Variants in NPHP4 observed in about 807,000 individuals in gnomAD.
The protein encoded by NPHP4 is nephrocystin 4.
Under a neutral mutation model 155.8 loss-of-function variants are expected in NPHP4, and 151 were observed. That is an observed-to-expected ratio of 0.97 (90% CI 0.85 to 1.11). The LOEUF is 1.11. Among genes scored for constraint, NPHP4 ranks in the 50% least tolerant of loss-of-function variants. NPHP4 has a pLI of 0.00. For missense variants in NPHP4, 1,956 were observed against 1,925.7 expected (o/e 1.02, Z -0.29); for synonymous variants, 845 against 816.8 (o/e 1.03, Z -0.59).
chr1:5,899,260 C>A (rs962531754), intron 16 of NPHP4, among the ~76,000 whole-genome samples: 1 of 152,202 alleles, frequency 6.6e-6, no homozygotes, highest in African/African-American at 2.4e-5. Flanking sequence ...AACTAGAACC[C>A]ATTCCAACGC....
intron 17 of NPHP4, chr1:5,888,625 C>A (rs1643946229): frequency 1.5e-6 from 2 of 1,343,014 alleles, no homozygotes; most frequent in Non-Finnish European, 2.0e-6. Context: ...AGGGAACAGC[C>A]AACAAATACA....
chr1:5,879,383 T>C, intron 19 of NPHP4: 1 of 380,148 alleles, frequency 2.6e-6, no homozygotes, highest in South Asian at 2.0e-5. Context: ...GCCTCCCTGC[T>C]GTGAAACACA....
At chr1:5,956,727 C>T (rs551627215) in intron 6 of NPHP4, among the ~76,000 whole-genome samples, 18 of 152,312 alleles carry the variant, frequency 1.2e-4, no homozygotes, top group South Asian at 4.1e-4. Flanking sequence ...CCTCCCAGGA[C>T]GCTCTACTGT....
chr1:5,898,954 TATC>T (rs1483913925), intron 16 of NPHP4, among the ~76,000 whole-genome samples: 1 of 152,092 alleles, frequency 6.6e-6, no homozygotes, highest in Non-Finnish European at 1.5e-5. Flanking sequence ...AGGCACTCGG[TATC>T]ATCAAGGAAG....
At chr1:5,884,319 T>C (rs1328245623) in intron 18 of NPHP4, among the ~76,000 whole-genome samples, 2 of 152,082 alleles carry the variant, frequency 1.3e-5, no homozygotes, top group Non-Finnish European at 2.9e-5. Context: ...CACCCAGTTC[T>C]CCTAGGATGT....
Position 5,884,866 on chromosome 1 carries a change from G to T in NPHP4, c.2485+2420C>A, listed in dbSNP as rs111575830. On this transcript the variant is annotated intron_variant, in intron 18 of 29. Transcript: ENST00000378156. ...GATCACTGCCCAAGCTCCCAGCCGAGCCCCTGTCCTACTCCACGACCAAGA... is the reference window on the plus strand; with the variant it reads ...GATCACTGCCCAAGCTCCCAGCCGATCCCCTGTCCTACTCCACGACCAAGA... Among the ~76,000 whole-genome samples, 983 of 117,310 alleles carry T rather than the reference G, an allele frequency of 8.4e-3. 15 individuals carry two copies. The highest frequency in any genetic ancestry group is 0.03 in the African/African-American group (905 of 29,976). The allele number at this position is 117,310 out of a possible 152,430, so 77.0% of individuals were successfully genotyped here.
At chr1:5,911,270 C>T (rs1645166419) in intron 11 of NPHP4, among the ~76,000 whole-genome samples, 1 of 152,204 alleles carries the variant, frequency 6.6e-6, no homozygotes, top group African/African-American at 2.4e-5. Context: ...CCCCTGCCCA[C>T]CTCCTCCCAG....
intron 11 of NPHP4, among the ~76,000 whole-genome samples, chr1:5,919,589 G>A (rs1465062947): frequency 6.6e-6 from 1 of 152,194 alleles, no homozygotes; most frequent in Non-Finnish European, 1.5e-5. Flanking sequence ...ACCTGAACAA[G>A]CCCCATCTGA....
chr1:5,899,485 C>T (rs1001672891), intron 16 of NPHP4, among the ~76,000 whole-genome samples: 1 of 152,214 alleles, frequency 6.6e-6, no homozygotes, highest in Non-Finnish European at 1.5e-5. Context: ...AAGGGTGGTT[C>T]CCTTGGGGGA....
At chr1:5,980,508 T>C (rs1277059931) in intron 2 of NPHP4, among the ~76,000 whole-genome samples, 3 of 152,086 alleles carry the variant, frequency 2.0e-5, no homozygotes, top group Non-Finnish European at 2.9e-5. Flanking sequence ...TAAGCAGAAA[T>C]GACACAATCT....
At chr1:5,875,550 G>A (rs897796269) in intron 20 of NPHP4, among the ~76,000 whole-genome samples, 10 of 152,204 alleles carry the variant, frequency 6.6e-5, no homozygotes, top group South Asian at 2.1e-4. Flanking sequence ...GCTGAGTCTC[G>A]GTCACACCGG....
chr1:5,966,113 T>A (rs1420505500), intron 5 of NPHP4, among the ~76,000 whole-genome samples: 6 of 152,196 alleles, frequency 3.9e-5, no homozygotes, highest in Non-Finnish European at 7.3e-5. Context: ...AAAGGCCACC[T>A]GCAGGCTGCA....
At chr1:5,926,611 A>G (rs1213868896) in intron 11 of NPHP4, among the ~76,000 whole-genome samples, 1 of 152,244 alleles carries the variant, frequency 6.6e-6, no homozygotes, top group East Asian at 1.9e-4. Context: ...CAACTTAGAA[A>G]TGCATGTGCT....
chr1:5,988,741 G>A (rs1390966510), intron 1 of NPHP4, among the ~76,000 whole-genome samples: 2 of 152,216 alleles, frequency 1.3e-5, no homozygotes, highest in East Asian at 1.9e-4. Context: ...CAGCCTGAGA[G>A]GGGCCTTGGC....
In NPHP4 at chr1:5,909,231, G is replaced by T. The variant is rs750158895; in HGVS notation, c.1442-18C>A. The T allele has an allele frequency of 1.1e-5, 18 of 1,594,096 alleles. No individual in the cohort carries two copies. The highest frequency in any genetic ancestry group is 1.7e-4 in the Middle Eastern group (1 of 6,058). Reference sequence around the variant, plus strand: ...TGGCGGGCCTGGGAGGAAGCACAGTGGGGTAGGAGAGGGAATGTGTCAGCC... The same window carrying T: ...TGGCGGGCCTGGGAGGAAGCACAGTTGGGTAGGAGAGGGAATGTGTCAGCC... On this transcript the variant is annotated intron_variant, in intron 11 of 29. Coordinates refer to ENST00000378156, the MANE Select transcript of NPHP4 (RefSeq NM_015102.5).
chr1:5,942,235 A>G lies in NPHP4; in HGVS notation c.1119+4869T>C, dbSNP rs555468687. The stretch of plus-strand genomic sequence containing the variant: ...GCAACATACGCATTAAAAATTTTTT[A>G]AAGAAGGGAGACTAGGCCATGCACA... On this transcript the variant is annotated intron_variant, in intron 9 of 29. Coordinates refer to ENST00000378156, the MANE Select transcript of NPHP4 (RefSeq NM_015102.5). Among the ~76,000 whole-genome samples, 12 of 152,258 alleles carry G rather than the reference A, an allele frequency of 7.9e-5. No individual in the cohort carries two copies. The East Asian group carries it at 2.3e-3, about 29-fold the overall frequency.
At chr1:5,969,965 T>G (rs569085246) in intron 3 of NPHP4, among the ~76,000 whole-genome samples, 1 of 152,282 alleles carries the variant, frequency 6.6e-6, no homozygotes, top group Admixed American at 6.5e-5. Context: ...GTAAGCCAAG[T>G]AGATGATATT....
chr1:5,863,953 C>T lies in NPHP4; in HGVS notation c.4077G>A (p.Arg1359=). Residue 1359 remains arginine (R), a synonymous_variant, in exon 29 of 30, where the codon CGG becomes CGA. Coordinates refer to ENST00000378156, the MANE Select transcript of NPHP4 (RefSeq NM_015102.5). ...GGTCGCTGTGCAGGTGGAATGTCCT[C>T]CGGGAGGGGTAGGGGTTGGTGTAGG... is the stretch of plus-strand genomic sequence containing the variant. ...RITYTNPYPS[R]RTFHLHSDHP... is the part of the protein sequence containing the mutation. 1 of 1,613,908 alleles carries T rather than the reference C, an allele frequency of 6.2e-7. No homozygotes were observed. Among genetic ancestry groups the T allele is most frequent in the East Asian group, 2.2e-5 (1 of 44,866 alleles).
At chr1:5,947,549 C>T (rs377596131) in intron 8 of NPHP4, among the ~76,000 whole-genome samples, 3 of 152,226 alleles carry the variant, frequency 2.0e-5, no homozygotes, top group African/African-American at 7.2e-5. Context: ...TGCCTGCAGG[C>T]CTGATACGGC....
Sources: allele counts gnomAD v4.1 joint callset (sites outside exome capture counted in the v4.1 genomes callset), GRCh38; gene constraint gnomAD v4.1.1; transcripts MANE v1.5; gene names NCBI Gene and HGNC (gene_info 2026-07-23, HGNC 2026-07-21).